EYS: variants seen among roughly 807,000 people sequenced by gnomAD.
The protein encoded by EYS is EGF-like photoreceptor maintenance factor.
A neutral mutation model predicts 282.1 loss-of-function variants in EYS; 250 were observed. The ratio of observed to expected loss-of-function variants is 0.89; its 90% confidence interval spans 0.80 to 0.98. The LOEUF (loss-of-function observed/expected upper bound fraction) is 0.98, where lower values mean the gene tolerates loss of function less well. Ranked by LOEUF, EYS falls within the 50% of genes least tolerant of loss-of-function variation. The pLI is 0.00. For synonymous variants in EYS, 1,355 were observed against 1,282.9 expected, an observed-to-expected ratio of 1.06 and a Z score of -1.20; for missense variants, 4,016 against 3,709.0, an observed-to-expected ratio of 1.08 and a Z score of -2.15.
At chr6:65,401,815 T>C (rs146696490) in intron 7 of EYS, among the ~76,000 whole-genome samples, 1 of 152,084 alleles carries the variant, frequency 6.6e-6, no homozygotes, top group African/African-American at 2.4e-5. Flanking sequence ...GGCTACTTAC[T>C]GCTTTTCAAT....
chr6:65,005,132 C>T lies in EYS; in HGVS notation c.2138-7429G>A. ...TGCCGTCCACCACTGCTGTTTGCCA[C>T]TGTTGCAGACCAGCTGCTGACTTCC... On this transcript the variant is annotated intron_variant, in intron 13 of 42. Coordinates refer to ENST00000503581, the MANE Select transcript of EYS (RefSeq NM_001142800.2). Among the ~76,000 whole-genome samples the T allele has an allele frequency of 1.4e-5, 2 of 147,882 alleles. 1 individual carries two copies. The highest frequency in any genetic ancestry group is 3.0e-5 in the Non-Finnish European group (2 of 66,046).
intron 15 of EYS, among the ~76,000 whole-genome samples, chr6:64,934,755 A>G (rs1768848476): frequency 3.9e-5 from 6 of 151,940 alleles, no homozygotes; most frequent in Non-Finnish European, 7.4e-5. Flanking sequence ...ACATATAAAG[A>G]ATAGTAATGA....
At chr6:64,238,593 C>A (rs1766688080) in intron 30 of EYS, among the ~76,000 whole-genome samples, 1 of 152,072 alleles carries the variant, frequency 6.6e-6, no homozygotes, top group East Asian at 1.9e-4. Context: ...ACTCTGTATG[C>A]CTTGCATACC....
intron 31 of EYS, among the ~76,000 whole-genome samples, chr6:64,201,892 G>A (rs541874193): frequency 2.0e-5 from 3 of 152,240 alleles, no homozygotes; most frequent in Non-Finnish European, 4.4e-5. Flanking sequence ...ATTTGACAAT[G>A]TCTGGAAATA....
At chr6:64,014,776 T>C (rs1768807588) in intron 33 of EYS, among the ~76,000 whole-genome samples, 1 of 115,958 alleles carries the variant, frequency 8.6e-6, no homozygotes, top group Admixed American at 7.7e-5. Context: ...TTAGTCTTTT[T>C]TTATTTTTTT....
chr6:63,905,342 T>C (rs947948279), intron 35 of EYS, among the ~76,000 whole-genome samples: 2 of 149,270 alleles, frequency 1.3e-5, no homozygotes, highest in Non-Finnish European at 3.0e-5. Context: ...TTTTTTTTTT[T>C]TTTTTGAGAC....
At chr6:64,734,108 T>A (rs1303152576) in intron 22 of EYS, among the ~76,000 whole-genome samples, 2 of 123,474 alleles carry the variant, frequency 1.6e-5, no homozygotes, top group Non-Finnish European at 1.7e-5. Context: ...CTGCCCATAT[T>A]GCAGATATTT....
intron 30 of EYS, among the ~76,000 whole-genome samples, chr6:64,252,777 C>CAAGTCGT (rs1436435019): frequency 2.0e-5 from 3 of 152,152 alleles, no homozygotes; most frequent in African/African-American, 7.2e-5. Flanking sequence ...ACAAGTTAGA[C>CAAGTCGT]AAGTCGTATA....
chr6:64,046,447 G>A (rs530075232), intron 33 of EYS, among the ~76,000 whole-genome samples: 14 of 152,188 alleles, frequency 9.2e-5, no homozygotes, highest in Non-Finnish European at 1.8e-4. Context: ...ATCTTGCAGT[G>A]AGCTGGGAGG....
At chr6:65,613,826 T>C (rs1287076633) in intron 2 of EYS, among the ~76,000 whole-genome samples, 2 of 152,072 alleles carry the variant, frequency 1.3e-5, no homozygotes, top group East Asian at 3.9e-4. Context: ...ATTTGTAATA[T>C]GATTTCCTAC....
chr6:65,397,918 G>C (rs115997685), intron 7 of EYS, among the ~76,000 whole-genome samples: 28 of 152,036 alleles, frequency 1.8e-4, no homozygotes, highest in Non-Finnish European at 3.5e-4. Flanking sequence ...GCCAACATCT[G>C]TTGTTTCTTG....
At chr6:63,898,504 T>TA (rs11396898) in intron 35 of EYS, among the ~76,000 whole-genome samples, 133,169 of 151,362 alleles carry the variant, frequency 0.88, 59,484 homozygotes, top group Non-Finnish European at 0.95. Flanking sequence ...ATAATAATAA[T>TA]AAAAATAAAT....
At chr6:63,873,565 G>A (rs768148465) in intron 35 of EYS, among the ~76,000 whole-genome samples, 35 of 152,112 alleles carry the variant, frequency 2.3e-4, no homozygotes, top group Non-Finnish European at 4.4e-4. Flanking sequence ...CTAGATCCTT[G>A]AGGAATCCCC....
intron 31 of EYS, among the ~76,000 whole-genome samples, chr6:64,198,180 T>G (rs1765352959): frequency 7.0e-6 from 1 of 143,732 alleles, no homozygotes; most frequent in African/African-American, 2.5e-5. Context: ...TTTTTTTTTT[T>G]GTATTTTTAG....
At chr6:65,545,495 T>A (rs931073091) in intron 2 of EYS, among the ~76,000 whole-genome samples, 1 of 152,132 alleles carries the variant, frequency 6.6e-6, no homozygotes, top group South Asian at 2.1e-4. Context: ...TCAATATAAA[T>A]AATCTTTCAA....
chr6:64,888,551 A>G (rs746751474), intron 18 of EYS, among the ~76,000 whole-genome samples: 1 of 152,004 alleles, frequency 6.6e-6, no homozygotes, highest in African/African-American at 2.4e-5. Flanking sequence ...GTCATGTGCA[A>G]TGGGATACTG....
intron 11 of EYS, chr6:65,301,082 G>C (rs1033231737): frequency 3.3e-5 from 5 of 152,190 alleles, no homozygotes; most frequent in Non-Finnish European, 7.3e-5. Context: ...CGAGTATTCG[G>C]CTTATTTAGT....
intron 10 of EYS, among the ~76,000 whole-genome samples, chr6:65,340,395 TTC>T (rs1323083432): frequency 6.6e-6 from 1 of 151,266 alleles, no homozygotes; most frequent in Non-Finnish European, 1.5e-5. Flanking sequence ...CTCTTGGAAT[TTC>T]TGTCTTTGAT....
At chr6:64,859,710 C>T (rs1766174258) in intron 19 of EYS, among the ~76,000 whole-genome samples, 1 of 152,174 alleles carries the variant, frequency 6.6e-6, no homozygotes, top group South Asian at 2.1e-4. Flanking sequence ...TGAGGCCTCC[C>T]CAGCCACGTG....
Sources: gnomAD v4.1 joint callset for allele counts (sites outside exome capture counted in the v4.1 genomes callset) on GRCh38, gnomAD v4.1.1 for gene constraint, MANE v1.5 for transcripts, NCBI Gene and HGNC (gene_info 2026-07-23, HGNC 2026-07-21) for gene names.